L3MBTL4: variants seen among roughly 807,000 people sequenced by gnomAD.
L3MBTL4 encodes lethal(3)malignant brain tumor-like protein 4.
A neutral mutation model predicts 84.5 loss-of-function variants in L3MBTL4; 70 were observed. The observed-to-expected ratio is 0.83, with a 90% confidence interval of 0.68 to 1.01. The LOEUF is 1.01. L3MBTL4 is among the 50% of genes least tolerant of loss of function. The probability of loss-of-function intolerance (pLI) is 0.00; values close to 1 mark genes in which losing one functional copy is unlikely to be tolerated. For missense variants in L3MBTL4, 715 were observed against 754.8 expected, an observed-to-expected ratio of 0.95 and a Z score of 0.62; for synonymous variants, 274 against 259.8, an observed-to-expected ratio of 1.05 and a Z score of -0.52.
chr18:6,094,758 C>A (rs550938911), intron 14 of L3MBTL4, among the ~76,000 whole-genome samples: 1 of 152,034 alleles, frequency 6.6e-6, no homozygotes, highest in South Asian at 2.1e-4. Flanking sequence ...TAAACTGGAT[C>A]TTCTGGAGAA....
At chr18:6,178,218 A>G (rs1357490197) in intron 12 of L3MBTL4, among the ~76,000 whole-genome samples, 1 of 152,190 alleles carries the variant, frequency 6.6e-6, no homozygotes, top group Non-Finnish European at 1.5e-5. Flanking sequence ...AGGATTGTCT[A>G]TAACTGCTTA....
chr18:6,327,303 A>G (rs183473444), intron 1 of L3MBTL4, among the ~76,000 whole-genome samples: 1 of 152,220 alleles, frequency 6.6e-6, no homozygotes, highest in Non-Finnish European at 1.5e-5. Flanking sequence ...GCACATGTGC[A>G]AAAGGTACAA....
At chr18:6,392,240 G>A (rs1225895041) in intron 1 of L3MBTL4, among the ~76,000 whole-genome samples, 3 of 152,106 alleles carry the variant, frequency 2.0e-5, no homozygotes, top group Non-Finnish European at 4.4e-5. Flanking sequence ...ATTGGAGAAA[G>A]GACACCCTAT....
intron 16 of L3MBTL4, among the ~76,000 whole-genome samples, chr18:5,975,024 T>C (rs1209511634): frequency 3.9e-5 from 6 of 152,130 alleles, no homozygotes; most frequent in Non-Finnish European, 8.8e-5. Context: ...AAGGATTTAA[T>C]TTTGTCTGAA....
At chr18:6,322,725 T>C (rs1438773677) in intron 1 of L3MBTL4, among the ~76,000 whole-genome samples, 1 of 152,138 alleles carries the variant, frequency 6.6e-6, no homozygotes, top group Non-Finnish European at 1.5e-5. Flanking sequence ...AACTGAATTA[T>C]AGTTACCAAA....
intron 12 of L3MBTL4, among the ~76,000 whole-genome samples, chr18:6,197,983 A>G (rs1412326567): frequency 2.6e-5 from 4 of 152,094 alleles, no homozygotes; most frequent in Non-Finnish European, 4.4e-5. Flanking sequence ...TTCTCTACTC[A>G]TCCACTTTCA....
intron 1 of L3MBTL4, among the ~76,000 whole-genome samples, chr18:6,383,993 C>G (rs111254791): frequency 3.9e-5 from 6 of 152,106 alleles, no homozygotes; most frequent in African/African-American, 1.4e-4. Flanking sequence ...TTCCTAGACC[C>G]CACTCCAAAC....
chr18:6,352,832 G>T (rs879624922), intron 1 of L3MBTL4, among the ~76,000 whole-genome samples: 25 of 152,206 alleles, frequency 1.6e-4, no homozygotes, highest in Middle Eastern at 6.8e-3. Flanking sequence ...ACTGAAAAGA[G>T]ACATTTTTCA....
In L3MBTL4 at chr18:6,163,373, C is replaced by T. The variant is rs1298059990; in HGVS notation, c.1096+8455G>A. On this transcript the variant is annotated intron_variant, in intron 13 of 18. Coordinates refer to ENST00000317931, the MANE Select transcript of L3MBTL4 (RefSeq NM_001330559.2). ...GACATATATTGAACCACATCACAAG[C>T]ATGTCTTAAAGTATAGGTATTTCAA... is the stretch of plus-strand genomic sequence containing the variant. Among the ~76,000 whole-genome samples, 3 of 149,418 alleles carry T rather than the reference C, an allele frequency of 2.0e-5. No individual in the cohort carries two copies. The South Asian group carries it at 6.4e-4, about 32-fold the overall frequency.
intron 15 of L3MBTL4, among the ~76,000 whole-genome samples, chr18:6,091,124 A>AG (rs2058442018): frequency 6.6e-6 from 1 of 152,206 alleles, no homozygotes; most frequent in Non-Finnish European, 1.5e-5. Flanking sequence ...GTTAGAGAAA[A>AG]GGCAGCCTCG....
intron 12 of L3MBTL4, among the ~76,000 whole-genome samples, chr18:6,193,859 T>G (rs184751458): frequency 6.6e-6 from 1 of 152,176 alleles, no homozygotes; most frequent in African/African-American, 2.4e-5. Context: ...ACAAATTCAC[T>G]GCACACCTCC....
At chr18:6,098,862 C>T (rs2058723131) in intron 14 of L3MBTL4, among the ~76,000 whole-genome samples, 1 of 152,010 alleles carries the variant, frequency 6.6e-6, no homozygotes, top group Non-Finnish European at 1.5e-5. Context: ...CTGGGTGGGC[C>T]GGGGGCATCT....
intron 1 of L3MBTL4, among the ~76,000 whole-genome samples, chr18:6,314,232 T>A (rs1190729885): frequency 2.0e-5 from 3 of 152,216 alleles, no homozygotes; most frequent in African/African-American, 7.2e-5. Context: ...TCAAAATACA[T>A]GGATTACTCT....
intron 16 of L3MBTL4, chr18:6,046,762 G>GAAA (rs2056639478): frequency 3.9e-6 from 3 of 774,282 alleles, no homozygotes; most frequent in Non-Finnish European, 7.2e-6. Flanking sequence ...GCACTGTGAA[G>GAAA]AGAAAAGTTT....
At chr18:6,215,638 A>G (rs149159515) in intron 11 of L3MBTL4, 112 bp downstream of exon 11, 6,734 of 517,642 alleles carry the variant, frequency 0.013, 77 homozygotes, top group Middle Eastern at 0.033. Context: ...TTATGAAATT[A>G]CTACTTGAAT....
intron 16 of L3MBTL4, among the ~76,000 whole-genome samples, chr18:6,051,997 G>C (rs754741972): frequency 1.5e-4 from 23 of 152,196 alleles, no homozygotes; most frequent in Non-Finnish European, 2.9e-4. Context: ...AACATTGATG[G>C]TGCGTCTTTG....
chr18:6,126,517 G>A (rs1241294131), intron 14 of L3MBTL4, among the ~76,000 whole-genome samples: 1 of 152,078 alleles, frequency 6.6e-6, no homozygotes, highest in Non-Finnish European at 1.5e-5. Flanking sequence ...ATGTAATTTA[G>A]AATGTTGCAC....
chr18:6,106,564 T>C (rs2059016168), intron 14 of L3MBTL4, among the ~76,000 whole-genome samples: 1 of 152,220 alleles, frequency 6.6e-6, no homozygotes, highest in East Asian at 1.9e-4. Flanking sequence ...TAATTTCTTA[T>C]GGGGACAAGC....
intron 5 of L3MBTL4, among the ~76,000 whole-genome samples, chr18:6,245,746 C>T (rs112833953): frequency 5.9e-5 from 9 of 151,854 alleles, no homozygotes; most frequent in Non-Finnish European, 1.3e-4. Flanking sequence ...TGCACCACTA[C>T]GGCCTGGCTA....
Sources: gnomAD v4.1 joint callset for allele counts (sites outside exome capture counted in the v4.1 genomes callset) on GRCh38, gnomAD v4.1.1 for gene constraint, MANE v1.5 for transcripts, NCBI Gene and HGNC (gene_info 2026-07-23, HGNC 2026-07-21) for gene names.